Variants in CCDC32 observed in about 807,000 individuals in gnomAD.
CCDC32 encodes coiled-coil domain containing 32.
Under a neutral mutation model 20.1 loss-of-function variants are expected in CCDC32, and 9 were observed. That is an observed-to-expected ratio of 0.45 (90% CI 0.27 to 0.78). CCDC32 has a LOEUF of 0.78. Ranked by LOEUF, CCDC32 falls within the 30% of genes least tolerant of loss-of-function variation. CCDC32 has a pLI of 0.16. For synonymous variants in CCDC32, 63 were observed against 79.0 expected (o/e 0.80, Z 1.07); for missense variants, 204 against 215.5 (o/e 0.95, Z 0.33).
chr15:40,527,391 G>A (rs1195568362), downstream of CCDC32, among the ~76,000 whole-genome samples: 2 of 152,234 alleles, frequency 1.3e-5, no homozygotes, highest in Non-Finnish European at 2.9e-5. Flanking sequence ...GGCTGATCTC[G>A]AACTCCTGAT....
chr15:40,535,017 T>C (rs1324001701), downstream of CCDC32: 8 of 706,364 alleles, frequency 1.1e-5, no homozygotes, highest in Admixed American at 1.4e-4. Context: ...ATGCCTGCCG[T>C]GATGGAAGGA....
intron 1 of CCDC32, among the ~76,000 whole-genome samples, chr15:40,564,492 T>C (rs1187123376): frequency 2.6e-5 from 4 of 151,882 alleles, no homozygotes; most frequent in Non-Finnish European, 4.4e-5. Flanking sequence ...CACGGGCAGG[T>C]AGGAAAAGCT....
At chr15:40,551,931 T>G (rs939265564), downstream of CCDC32, among the ~76,000 whole-genome samples, 13 of 150,118 alleles carry the variant, frequency 8.7e-5, no homozygotes, top group South Asian at 2.1e-3. Flanking sequence ...GGTGGAAGGA[T>G]AGCTTGAGCC....
intron 3 of CCDC32, among the ~76,000 whole-genome samples, chr15:40,539,587 G>A (rs142843808): frequency 1.1e-4 from 17 of 152,288 alleles, no homozygotes; most frequent in African/African-American, 3.1e-4. Flanking sequence ...GGACACGGGG[G>A]CCCGTGGCAC....
intron 3 of CCDC32, among the ~76,000 whole-genome samples, chr15:40,547,944 C>T (rs902021782): frequency 3.9e-5 from 6 of 152,262 alleles, no homozygotes; most frequent in African/African-American, 1.4e-4. Flanking sequence ...CTATTCTAAA[C>T]TGATATGCTA....
chr15:40,535,351 A>G, downstream of CCDC32: 2 of 1,165,812 alleles, frequency 1.7e-6, no homozygotes, highest in South Asian at 2.4e-5. Context: ...CATCTGTTTT[A>G]AAGTCTGCAC....
chr15:40,531,856 C>A, downstream of CCDC32: 1 of 152,860 alleles, frequency 6.5e-6, no homozygotes, highest in Non-Finnish European at 1.5e-5. Flanking sequence ...CCCACCTCGG[C>A]TTCCTAAAGA....
chr15:40,552,217 C>T (rs954390757), downstream of CCDC32, among the ~76,000 whole-genome samples: 6 of 151,618 alleles, frequency 4.0e-5, no homozygotes, highest in South Asian at 6.3e-4. Flanking sequence ...CGCGGTGGCT[C>T]ATGCGTGTAA....
intron 3 of CCDC32, among the ~76,000 whole-genome samples, chr15:40,542,757 T>C (rs1889449274): frequency 1.3e-5 from 2 of 151,732 alleles, no homozygotes; most frequent in South Asian, 4.2e-4. Flanking sequence ...TAGTCCCAGC[T>C]ACTCAGGAGG....
At chr15:40,557,034 A>G (rs1011512285) in intron 3 of CCDC32, 182 bp downstream of exon 3, 23 of 584,804 alleles carry the variant, frequency 3.9e-5, no homozygotes, top group Non-Finnish European at 5.7e-5. Flanking sequence ...AGTTCATTGC[A>G]TACTTAAAAA....
At chr15:40,560,392 C>G (rs541363798) in intron 2 of CCDC32, among the ~76,000 whole-genome samples, 1 of 152,180 alleles carries the variant, frequency 6.6e-6, no homozygotes, top group Admixed American at 6.5e-5. Context: ...AAACTAAAAA[C>G]TTCCGTACAG....
intron 3 of CCDC32, among the ~76,000 whole-genome samples, chr15:40,539,882 C>CACACA (rs1555413885): frequency 3.0e-5 from 2 of 67,194 alleles, no homozygotes; most frequent in Non-Finnish European, 7.2e-5. Context: ...ACACACACAC[C>CACACA]CCGCTCCTTG....
downstream of CCDC32, chr15:40,535,508 T>C (rs1889071213): frequency 1.0e-5 from 10 of 987,072 alleles, no homozygotes; most frequent in Non-Finnish European, 1.2e-5. Flanking sequence ...ATTGGGCCTA[T>C]AGATTTATAG....
intron 2 of CCDC32, among the ~76,000 whole-genome samples, chr15:40,559,541 G>A (rs1404327622): frequency 1.3e-5 from 2 of 152,138 alleles, no homozygotes; most frequent in African/African-American, 4.8e-5. Flanking sequence ...CTAGGCCATG[G>A]CTGCAAGCAT....
chr15:40,553,482 G>A lies in CCDC32; in HGVS notation c.*489C>T. 2 of 986,298 alleles carry A rather than the reference G, an allele frequency of 2.0e-6. No individual in the cohort carries two copies. The highest frequency in any genetic ancestry group is 2.4e-6 in the Non-Finnish European group (2 of 830,550). 61.1% of individuals were successfully genotyped at this position (986,298 alleles called of 1,614,324 possible). ...CCCAGATGGGGCTTGGATTCAAGGA[G>A]CAGACTTCACTCTTACTGGCCCCAC... On this transcript the variant is annotated 3_prime_UTR_variant, in exon 4 of 4. Coordinates refer to ENST00000416810, the MANE Select transcript of CCDC32 (RefSeq NM_001080792.4).
chr15:40,564,259 GC>G (rs1331574900), intron 1 of CCDC32, among the ~76,000 whole-genome samples: 2 of 152,176 alleles, frequency 1.3e-5, no homozygotes, highest in African/African-American at 4.8e-5. Context: ...ATGCAGTTCA[GC>G]CGTATGTCTC....
At chr15:40,535,014 C>T (rs1166823493), downstream of CCDC32, 2 of 705,678 alleles carry the variant, frequency 2.8e-6, no homozygotes, top group East Asian at 5.4e-5. Context: ...CCCATGCCTG[C>T]CGTGATGGAA....
At chr15:40,545,425 C>T (rs76846319) in intron 3 of CCDC32, among the ~76,000 whole-genome samples, 2,117 of 151,608 alleles carry the variant, frequency 0.014, 49 homozygotes, top group African/African-American at 0.049. Flanking sequence ...AAGTGGATTA[C>T]GTCAAAATGA....
chr15:40,548,774 A>C (rs375914099), downstream of CCDC32, among the ~76,000 whole-genome samples: 5 of 152,232 alleles, frequency 3.3e-5, no homozygotes, highest in South Asian at 1.0e-3. Flanking sequence ...GAGTGCTTTC[A>C]TGACCTTGCC....
Sources: gnomAD v4.1 joint callset for allele counts (sites outside exome capture counted in the v4.1 genomes callset) on GRCh38, gnomAD v4.1.1 for gene constraint, MANE v1.5 for transcripts, NCBI Gene and HGNC (gene_info 2026-07-23, HGNC 2026-07-21) for gene names.